Variants in PRKN observed in about 807,000 individuals in gnomAD.
PRKN encodes parkin RBR E3 ubiquitin protein ligase.
A neutral mutation model predicts 59.5 loss-of-function variants in PRKN; 56 were observed. That is an observed-to-expected ratio of 0.94 (90% confidence interval 0.76 to 1.18). The LOEUF (loss-of-function observed/expected upper bound fraction) is 1.18. PRKN is among the 50% of genes most tolerant of loss of function. PRKN has a pLI of 0.00. For synonymous variants in PRKN, 250 were observed against 222.1 expected (o/e 1.13, Z -1.12); for missense variants, 657 against 596.4 (o/e 1.10, Z -1.06).
At chr6:162,318,142 G>A (rs1782828378) in intron 2 of PRKN, among the ~76,000 whole-genome samples, 1 of 151,964 alleles carries the variant, frequency 6.6e-6, no homozygotes, top group South Asian at 2.1e-4. Context: ...GACTACTTGA[G>A]TATCTCATAA....
intron 2 of PRKN, among the ~76,000 whole-genome samples, chr6:162,408,083 T>C (rs1788163797): frequency 1.3e-5 from 2 of 152,156 alleles, no homozygotes; most frequent in South Asian, 4.1e-4. Context: ...CATCTGACTA[T>C]ATAAAATTCC....
At chr6:162,206,095 G>A (rs956160943) in intron 3 of PRKN, among the ~76,000 whole-genome samples, 12 of 152,090 alleles carry the variant, frequency 7.9e-5, no homozygotes, top group African/African-American at 2.4e-4. Flanking sequence ...GGGGACTTCC[G>A]TAGTGCTAGA....
At chr6:162,125,637 A>C (rs550157574) in intron 4 of PRKN, among the ~76,000 whole-genome samples, 1 of 152,296 alleles carries the variant, frequency 6.6e-6, no homozygotes, top group East Asian at 1.9e-4. Flanking sequence ...ACTTATACAC[A>C]AACAAATAGT....
In PRKN at chr6:161,506,440, G is replaced by T. The variant is rs372440087; in HGVS notation, c.1083+42414C>A. Reference sequence around the variant, plus strand: ...GGAGATTTTGGGCTGAGACAATGGGGTTTTCTAGATATACAATCATGTCAT... The same window carrying T: ...GGAGATTTTGGGCTGAGACAATGGGTTTTTCTAGATATACAATCATGTCAT... On this transcript the variant is annotated intron_variant, in intron 9 of 11. Transcript: ENST00000366898. Among the ~76,000 whole-genome samples, 40 of 152,284 alleles carry T rather than the reference G, an allele frequency of 2.6e-4. No individual in the cohort carries two copies. In the East Asian group the frequency reaches 7.3e-3, roughly 28 times the overall value.
intron 2 of PRKN, among the ~76,000 whole-genome samples, chr6:162,271,740 T>C (rs1780402591): frequency 6.6e-6 from 1 of 152,086 alleles, no homozygotes; most frequent in African/African-American, 2.4e-5. Context: ...CCTCCATAGT[T>C]TTCAATGAAC....
intron 7 of PRKN, among the ~76,000 whole-genome samples, chr6:161,596,036 G>T (rs1781900175): frequency 6.6e-6 from 1 of 152,146 alleles, no homozygotes; most frequent in Admixed American, 6.5e-5. Flanking sequence ...GAAGGACAGG[G>T]GACTTGCAGA....
chr6:162,479,645 T>A (rs1792194818), intron 1 of PRKN, among the ~76,000 whole-genome samples: 1 of 152,170 alleles, frequency 6.6e-6, no homozygotes, highest in African/African-American at 2.4e-5. Flanking sequence ...CTGGTCCCAC[T>A]GGAGGGTCTT....
chr6:162,228,294 A>C (rs1350323105), intron 3 of PRKN, among the ~76,000 whole-genome samples: 1 of 152,212 alleles, frequency 6.6e-6, no homozygotes, highest in African/African-American at 2.4e-5. Context: ...GACTTCTTAG[A>C]GTATATTTTG....
In PRKN at chr6:161,746,596, CATT is replaced by C. The variant is rs1224378302; in HGVS notation, c.871+39173_871+39175del. Among the ~76,000 whole-genome samples, 4 of 145,134 alleles carry C rather than the reference CATT, an allele frequency of 2.8e-5. No individual in the cohort carries two copies. The East Asian group carries it at 7.9e-4, about 29-fold the overall frequency. ...TTATATATATATATATACACACACACATTATACACACACATACATAGATATATA... is the reference window on the plus strand; with the variant it reads ...TTATATATATATATATACACACACACATACACACACATACATAGATATATA... On this transcript the variant is annotated intron_variant, in intron 7 of 11. Transcript: ENST00000366898.
chr6:162,543,389 C>A (rs973750415), intron 1 of PRKN, among the ~76,000 whole-genome samples: 7 of 152,104 alleles, frequency 4.6e-5, no homozygotes, highest in Non-Finnish European at 1.0e-4. Context: ...TTCCACCCCT[C>A]ACAGCAGCTG....
intron 10 of PRKN, among the ~76,000 whole-genome samples, chr6:161,368,321 A>G (rs371412575): frequency 7.0e-6 from 1 of 142,052 alleles, no homozygotes; most frequent in East Asian, 2.0e-4. Context: ...ATATATATTT[A>G]TATATATTTG....
chr6:162,166,112 A>G (rs939291848), intron 4 of PRKN, among the ~76,000 whole-genome samples: 1 of 151,836 alleles, frequency 6.6e-6, no homozygotes, highest in Admixed American at 6.6e-5. Context: ...TTACACAACA[A>G]ATGTTTACCT....
Position 161,497,408 on chromosome 6 carries a change from A to T in PRKN, c.1083+51446T>A, listed in dbSNP as rs1777792808. ...TGGCAAAGGTTATCCTTTAAAGAAA[A>T]AAAAGTTCTTGCTCCTCTGTCTTGA... On this transcript the variant is annotated intron_variant, in intron 9 of 11. Coordinates refer to ENST00000366898, the MANE Select transcript of PRKN (RefSeq NM_004562.3). This position sits in a 1 kb window ranked among gnomAD's most constrained non-coding sequence, Gnocchi z 4.6. Among the ~76,000 whole-genome samples, 5 of 152,324 alleles carry T rather than the reference A, an allele frequency of 3.3e-5. No individual in the cohort carries two copies. The South Asian group carries it at 1.0e-3, about 32-fold the overall frequency.
intron 3 of PRKN, among the ~76,000 whole-genome samples, chr6:162,235,759 C>G (rs1473823474): frequency 6.6e-6 from 1 of 151,156 alleles, no homozygotes; most frequent in African/African-American, 2.4e-5. Context: ...GCCGAGATTG[C>G]ACCATTGCAC....
intron 3 of PRKN, among the ~76,000 whole-genome samples, chr6:162,251,399 G>A (rs1439753615): frequency 6.6e-6 from 1 of 152,160 alleles, no homozygotes; most frequent in East Asian, 1.9e-4. Context: ...TGATCAAAGG[G>A]GAGCCCAGGT....
intron 10 of PRKN, among the ~76,000 whole-genome samples, chr6:161,368,021 T>C (rs1785279595): frequency 6.6e-6 from 1 of 151,974 alleles, no homozygotes; most frequent in African/African-American, 2.4e-5. Flanking sequence ...GCAGCCTTGA[T>C]TTCTTCCTGT....
chr6:162,562,122 G>A (rs1779870158), intron 1 of PRKN, among the ~76,000 whole-genome samples: 1 of 152,092 alleles, frequency 6.6e-6, no homozygotes, highest in Non-Finnish European at 1.5e-5. Context: ...AGCAGGAAAG[G>A]GCAACAGACT....
chr6:162,010,836 A>C lies in PRKN; in HGVS notation c.619-37419T>G, dbSNP rs1340398289. 7.5e-3 allele frequency among the ~76,000 whole-genome samples: 89 copies of C among 11,884 alleles called. 35 individuals are homozygous for C. Among genetic ancestry groups the C allele is most frequent in the African/African-American group, 0.072 (88 of 1,230 alleles). 7.8% of individuals were successfully genotyped at this position (11,884 alleles called of 152,430 possible). On this transcript the variant is annotated intron_variant, in intron 5 of 11. Transcript: ENST00000366898. ...TAATGTATAATATATACAATATATT[A>C]TATAATACATAATATTAATATATAT...
intron 6 of PRKN, among the ~76,000 whole-genome samples, chr6:161,839,251 C>T (rs565604247): frequency 2.0e-5 from 3 of 152,128 alleles, no homozygotes; most frequent in South Asian, 4.2e-4. Flanking sequence ...GAAGGTAAGC[C>T]GGACACTGAG....
Sources: allele counts gnomAD v4.1 joint callset (sites outside exome capture counted in the v4.1 genomes callset), GRCh38; gene constraint gnomAD v4.1.1; non-coding constraint Gnocchi (gnomAD v3.1); transcripts MANE v1.5; gene names NCBI Gene and HGNC (gene_info 2026-07-23, HGNC 2026-07-21).